MKLN1: variants seen among roughly 807,000 people sequenced by gnomAD.
MKLN1 encodes muskelin.
A neutral mutation model predicts 99.0 loss-of-function variants in MKLN1; 18 were observed. The observed-to-expected ratio is 0.18, with a 90% confidence interval of 0.13 to 0.27. The LOEUF (loss-of-function observed/expected upper bound fraction) is 0.27. Among genes scored for constraint, MKLN1 ranks in the 10% least tolerant of loss-of-function variants. The pLI, the probability that MKLN1 is intolerant of heterozygous loss-of-function variation, is 1.00. For missense variants in MKLN1, 621 were observed against 875.9 expected (o/e 0.71, Z 3.67); for synonymous variants, 288 against 293.2 (o/e 0.98, Z 0.18).
At chr7:131,212,779 C>G (rs10808253) in intron 3 of MKLN1, among the ~76,000 whole-genome samples, 1 of 151,736 alleles carries the variant, frequency 6.6e-6, no homozygotes, top group Non-Finnish European at 1.5e-5. Context: ...CAAAATTAGC[C>G]GGGCATGATG....
At chr7:131,476,003 G>GA (rs1012221869) in intron 16 of MKLN1, among the ~76,000 whole-genome samples, 2 of 151,710 alleles carry the variant, frequency 1.3e-5, no homozygotes, top group East Asian at 3.9e-4. Context: ...TTTAACATTT[G>GA]AAAAAAAATT....
At chr7:131,128,738 A>G (rs1451400646) in intron 1 of MKLN1, among the ~76,000 whole-genome samples, 5 of 150,706 alleles carry the variant, frequency 3.3e-5, no homozygotes, top group Admixed American at 6.7e-5. Flanking sequence ...CCAGGTAGCT[A>G]GGACAACAGG....
intron 8 of MKLN1, among the ~76,000 whole-genome samples, chr7:131,421,814 G>T (rs1335003493): frequency 6.6e-6 from 1 of 152,114 alleles, no homozygotes; most frequent in Non-Finnish European, 1.5e-5. Context: ...AAGCAGTGTT[G>T]AGGGGAAAAA....
chr7:131,439,686 T>C (rs1795775021), intron 10 of MKLN1, among the ~76,000 whole-genome samples: 1 of 152,194 alleles, frequency 6.6e-6, no homozygotes, highest in African/African-American at 2.4e-5. Context: ...ATGAGAAAGC[T>C]ATACGATACA....
intron 6 of MKLN1, among the ~76,000 whole-genome samples, chr7:131,407,306 T>C (rs1338338604): frequency 6.6e-6 from 1 of 152,072 alleles, no homozygotes; most frequent in Non-Finnish European, 1.5e-5. Flanking sequence ...TCATGTTTCA[T>C]AGAGAGAGTT....
At chr7:131,425,346 C>T (rs1795328044) in intron 8 of MKLN1, among the ~76,000 whole-genome samples, 1 of 151,396 alleles carries the variant, frequency 6.6e-6, no homozygotes, top group South Asian at 2.1e-4. Flanking sequence ...TCAAATACCA[C>T]TGTTACCATG....
chr7:131,469,821 T>C (rs148702452), intron 15 of MKLN1, among the ~76,000 whole-genome samples: 19 of 151,888 alleles, frequency 1.3e-4, no homozygotes, highest in African/African-American at 2.7e-4. Flanking sequence ...TAGATACTTA[T>C]AGATTTTTGT....
chr7:131,393,444 T>A (rs914089147), intron 4 of MKLN1, among the ~76,000 whole-genome samples: 4 of 152,214 alleles, frequency 2.6e-5, no homozygotes, highest in African/African-American at 9.7e-5. Context: ...ATATTGTTTA[T>A]TCATCTGTAA....
chr7:131,436,260 C>T (rs1330371677), intron 9 of MKLN1, among the ~76,000 whole-genome samples: 1 of 152,152 alleles, frequency 6.6e-6, no homozygotes, highest in African/African-American at 2.4e-5. Context: ...CTAGATTACT[C>T]TTCTTAGAAT....
At chr7:131,202,366 C>T (rs527721870) in intron 2 of MKLN1, among the ~76,000 whole-genome samples, 12 of 151,902 alleles carry the variant, frequency 7.9e-5, no homozygotes, top group African/African-American at 2.2e-4. Flanking sequence ...CTGCCAGCCT[C>T]GGCCTCTCAA....
At chr7:131,254,026 G>A (rs1208605871) in intron 3 of MKLN1, among the ~76,000 whole-genome samples, 3 of 152,050 alleles carry the variant, frequency 2.0e-5, no homozygotes, top group African/African-American at 7.2e-5. Context: ...TACACCCTAG[G>A]GCATTGTTGA....
intron 1 of MKLN1, among the ~76,000 whole-genome samples, chr7:131,129,031 G>A (rs1795509738): frequency 6.7e-6 from 1 of 149,234 alleles, no homozygotes; most frequent in Admixed American, 6.9e-5. Context: ...ACAAGAAAAA[G>A]ACAAGATCTC....
chr7:131,123,022 CAAAAAAAAAAA>C (rs59581806), intron 1 of MKLN1, among the ~76,000 whole-genome samples: 2 of 60,374 alleles, frequency 3.3e-5, no homozygotes, highest in African/African-American at 7.0e-5. Flanking sequence ...GACTCCGTCT[CAAAAAAAAAAA>C]AAAAAAAAAA....
At chr7:131,386,916 G>C (rs1794044853) in intron 2 of MKLN1, among the ~76,000 whole-genome samples, 1 of 152,010 alleles carries the variant, frequency 6.6e-6, no homozygotes, top group South Asian at 2.1e-4. Context: ...TAGTTTTTGG[G>C]ATCTACTGGC....
intron 3 of MKLN1, among the ~76,000 whole-genome samples, chr7:131,231,116 T>A (rs187698300): frequency 0.096 from 2,460 of 25,534 alleles, 82 homozygotes; most frequent in African/African-American, 0.18. Context: ...CAAGACTCTG[T>A]CTCAAAAAAA....
chr7:131,414,500 C>A, intron 7 of MKLN1, 145 bp from the exon 8 acceptor site: 1 of 492,702 alleles, frequency 2.0e-6, no homozygotes, highest in Non-Finnish European at 3.6e-6. Context: ...CATACTGTTA[C>A]TTTTATGAGT....
chr7:131,439,590 C>CT (rs1185018127), intron 10 of MKLN1, among the ~76,000 whole-genome samples: 1 of 152,148 alleles, frequency 6.6e-6, no homozygotes, highest in Non-Finnish European at 1.5e-5. Context: ...AGAACTTACA[C>CT]TTGTAGTGTT....
chr7:131,415,487 A>C (rs538759456), intron 8 of MKLN1, among the ~76,000 whole-genome samples: 100 of 152,324 alleles, frequency 6.6e-4, no homozygotes, highest in African/African-American at 2.2e-3. Context: ...TCTTCTTGAC[A>C]TGAATTTATT....
chr7:131,360,787 T>C (rs768670276), intron 1 of MKLN1, among the ~76,000 whole-genome samples: 1 of 152,198 alleles, frequency 6.6e-6, no homozygotes, highest in Non-Finnish European at 1.5e-5. Flanking sequence ...TATATAGCTG[T>C]TCTTGCTGAA....
Sources: gnomAD v4.1 joint callset for allele counts (sites outside exome capture counted in the v4.1 genomes callset) on GRCh38, gnomAD v4.1.1 for gene constraint, MANE v1.5 for transcripts, NCBI Gene and HGNC (gene_info 2026-07-23, HGNC 2026-07-21) for gene names.